Variants in PCM1 observed in about 807,000 individuals in gnomAD.
PCM1 encodes pericentriolar material 1 protein.
In PCM1, 157 loss-of-function variants were observed where a neutral mutation model predicts 241.9. That is an observed-to-expected ratio of 0.65 (90% confidence interval 0.57 to 0.74). The LOEUF is 0.74. PCM1 is among the 30% of genes least tolerant of loss of function. The pLI, the probability that PCM1 is intolerant of heterozygous loss-of-function variation, is 0.00. For missense variants in PCM1, 3,478 were observed against 2,360.1 expected (o/e 1.47, Z -9.81); for synonymous variants, 1,085 against 784.9 (o/e 1.38, Z -6.39).
chr8:18,006,955 G>T (rs983471681), intron 30 of PCM1, among the ~76,000 whole-genome samples: 2 of 152,144 alleles, frequency 1.3e-5, no homozygotes, highest in Non-Finnish European at 2.9e-5. Flanking sequence ...GGCAACTAAT[G>T]GGTAGAGACC....
intron 23 of PCM1, among the ~76,000 whole-genome samples, chr8:17,977,220 C>G (rs989670555): frequency 3.9e-5 from 6 of 152,062 alleles, no homozygotes; most frequent in Non-Finnish European, 8.8e-5. Flanking sequence ...CACTCATACT[C>G]TTTATTGCTG....
At chr8:17,970,238 G>A (rs2076385363) in intron 22 of PCM1, among the ~76,000 whole-genome samples, 1 of 152,126 alleles carries the variant, frequency 6.6e-6, no homozygotes, top group East Asian at 1.9e-4. Context: ...TTCTGAAACA[G>A]AGTTTTTGAC....
chr8:17,981,746 G>C (rs966128241), intron 24 of PCM1, among the ~76,000 whole-genome samples: 1 of 152,094 alleles, frequency 6.6e-6, no homozygotes, highest in Admixed American at 6.5e-5. Context: ...TTTTTCGGAG[G>C]AAACATGGTC....
At chr8:17,971,597 A>G (rs1280403449) in intron 22 of PCM1, among the ~76,000 whole-genome samples, 3 of 152,212 alleles carry the variant, frequency 2.0e-5, no homozygotes, top group Non-Finnish European at 4.4e-5. Flanking sequence ...TGAATGACCA[A>G]TTGTATTCAC....
intron 6 of PCM1, among the ~76,000 whole-genome samples, chr8:17,946,936 A>G (rs1477636077): frequency 6.9e-6 from 1 of 143,940 alleles, no homozygotes; most frequent in Admixed American, 7.1e-5. Context: ...CCTTTTGTTC[A>G]TTCCTCTTCC....
At chr8:17,968,762 G>GTGTGTGTGTGTGTGTGTGTGTA (rs373502456) in intron 21 of PCM1, among the ~76,000 whole-genome samples, 3 of 136,734 alleles carry the variant, frequency 2.2e-5, no homozygotes, top group African/African-American at 8.3e-5. Context: ...GTGTGTGTGT[G>GTGTGTGTGTGTGTGTGTGTGTA]TATATATATA....
chr8:17,941,941 T>G (rs2062201433), intron 6 of PCM1, among the ~76,000 whole-genome samples: 1 of 152,222 alleles, frequency 6.6e-6, no homozygotes. Context: ...CTCTTACATA[T>G]TAATTGTTAA....
rs1231496681 is a variant in PCM1 at position 17,962,167 on chromosome 8, A to T, written c.2456A>T (p.Asp819Val). ...VFEPEDSSIV[D>V]NELWSEMRRH... ...GAGCCTGAAGATTCTTCAATAGTAG[A>T]TAATGAGGTATTGTAAATTGTACTC... The change falls in exon 16 of 39, where the codon GAT becomes GTT. Residue 819 changes from aspartate to valine, a missense_variant. Transcript: ENST00000325083. 3 of 1,602,482 alleles carry T rather than the reference A, an allele frequency of 1.9e-6. No homozygotes were observed. The highest frequency in any genetic ancestry group is 2.6e-6 in the Non-Finnish European group (3 of 1,173,128).
intron 2 of PCM1, among the ~76,000 whole-genome samples, chr8:17,932,987 G>A (rs1305374511): frequency 6.6e-6 from 1 of 152,124 alleles, no homozygotes; most frequent in Non-Finnish European, 1.5e-5. Context: ...AATTGAGAAA[G>A]TAGTGACTCA....
chr8:18,006,918 A>G (rs2091489720), intron 30 of PCM1, among the ~76,000 whole-genome samples: 1 of 152,136 alleles, frequency 6.6e-6, no homozygotes, highest in African/African-American at 2.4e-5. Context: ...TGGAGAAGGT[A>G]GGAGGGCTGA....
intron 24 of PCM1, among the ~76,000 whole-genome samples, chr8:17,982,027 T>C (rs1387583627): frequency 1.3e-5 from 2 of 152,242 alleles, no homozygotes; most frequent in Non-Finnish European, 2.9e-5. Context: ...ATAGTGGTTT[T>C]ATCATCTTTA....
At chr8:17,930,001 G>T (rs2058457753) in intron 2 of PCM1, among the ~76,000 whole-genome samples, 1 of 152,070 alleles carries the variant, frequency 6.6e-6, no homozygotes, top group Non-Finnish European at 1.5e-5. Context: ...CTGCAGATAA[G>T]GTGGGGACTA....
At position 17,943,709 on chromosome 8, in the gene PCM1, T is replaced by G. The variant is rs1483304448; in HGVS notation, c.784-3477T>G. ...TGTTAGTATTCTATTTGTAAAAACATTTTAATTTCTTCAGGGGAAAAAATC... is the reference window on the plus strand; with the variant it reads ...TGTTAGTATTCTATTTGTAAAAACAGTTTAATTTCTTCAGGGGAAAAAATC... On this transcript the variant is annotated intron_variant, in intron 6 of 38. Coordinates refer to ENST00000325083, the MANE Select transcript of PCM1 (RefSeq NM_006197.4). Among the ~76,000 whole-genome samples, 3 of 152,204 alleles carry G rather than the reference T, an allele frequency of 2.0e-5. No individual in the cohort carries two copies. In the East Asian group the frequency reaches 5.8e-4, roughly 29 times the overall value.
At chr8:17,929,199 C>G (rs983076515) in intron 2 of PCM1, among the ~76,000 whole-genome samples, 1 of 152,146 alleles carries the variant, frequency 6.6e-6, no homozygotes, top group African/African-American at 2.4e-5. Context: ...CAGTACTTCT[C>G]TTATCTGGCA....
At chr8:17,940,321 G>A (rs900593386) in intron 6 of PCM1, among the ~76,000 whole-genome samples, 4 of 152,164 alleles carry the variant, frequency 2.6e-5, no homozygotes, top group Admixed American at 6.6e-5. Context: ...ATTTAAACAC[G>A]GAAGTTAAGT....
rs773344479 is a variant in PCM1 at position 18,006,414 on chromosome 8, G to C, written c.4962+17G>C. 1.7e-5 allele frequency: 27 copies of C among 1,575,320 alleles called. No individual in the cohort carries two copies. Among genetic ancestry groups the C allele is most frequent in the Admixed American group, 1.7e-5 (1 of 59,758 alleles). ...ATATTACAGGTAAGAGTTTATACTT[G>C]TATGATTTACCAATATGTACTGTGT... On this transcript the variant is annotated intron_variant, in intron 30 of 38. Transcript: ENST00000325083.
chr8:18,026,370 G>C (rs957086525), intron 38 of PCM1, among the ~76,000 whole-genome samples: 1 of 145,108 alleles, frequency 6.9e-6, no homozygotes, highest in Admixed American at 7.1e-5. Context: ...CCATTCTTCT[G>C]CCTCAGCCTC....
intron 36 of PCM1, among the ~76,000 whole-genome samples, chr8:18,022,138 A>C (rs151094967): frequency 6.6e-6 from 1 of 152,264 alleles, no homozygotes; most frequent in East Asian, 1.9e-4. Flanking sequence ...GGGTCCATCT[A>C]TCTCAAGTAG....
intron 2 of PCM1, chr8:17,927,841 G>T (rs1476152178): frequency 7.3e-6 from 1 of 137,376 alleles, no homozygotes; most frequent in Non-Finnish European, 1.5e-5. Flanking sequence ...GAGCCACCGC[G>T]CCCAGCCTAA....
Sources: gnomAD v4.1 joint callset for allele counts (sites outside exome capture counted in the v4.1 genomes callset) on GRCh38, gnomAD v4.1.1 for gene constraint, MANE v1.5 for transcripts, NCBI Gene and HGNC (gene_info 2026-07-23, HGNC 2026-07-21) for gene names.